Variants in PTPRT observed in about 807,000 individuals in gnomAD.
PTPRT encodes the protein receptor-type tyrosine-protein phosphatase T.
A neutral mutation model predicts 176.8 loss-of-function variants in PTPRT; 56 were observed. The ratio of observed to expected loss-of-function variants is 0.32; its 90% CI spans 0.26 to 0.40. The LOEUF is 0.40. PTPRT is among the 10% of genes least tolerant of loss of function. The probability of loss-of-function intolerance (pLI) is 1.00; values close to 1 mark genes in which losing one functional copy is unlikely to be tolerated. For missense variants in PTPRT, 1,540 were observed against 1,908.2 expected (o/e 0.81, Z 3.60); for synonymous variants, 783 against 739.0 (o/e 1.06, Z -0.96).
intron 9 of PTPRT, among the ~76,000 whole-genome samples, chr20:42,356,118 T>G (rs747098063): frequency 1.3e-5 from 2 of 152,032 alleles, no homozygotes; most frequent in Non-Finnish European, 2.9e-5. Flanking sequence ...GGGATCGGGC[T>G]GGGGAGGGAA....
chr20:42,769,145 C>T (rs1360285006), intron 5 of PTPRT, among the ~76,000 whole-genome samples: 2 of 152,172 alleles, frequency 1.3e-5, no homozygotes, highest in Non-Finnish European at 1.5e-5. Flanking sequence ...GGTCTGTAAG[C>T]AACCCTGGGA....
chr20:42,351,332 C>T (rs571982881), intron 10 of PTPRT, among the ~76,000 whole-genome samples: 5 of 152,174 alleles, frequency 3.3e-5, no homozygotes, highest in Admixed American at 6.5e-5. Context: ...TTTATTGAAG[C>T]GTTATTTTGT....
At chr20:42,369,692 G>A (rs943275801) in intron 9 of PTPRT, among the ~76,000 whole-genome samples, 2 of 152,164 alleles carry the variant, frequency 1.3e-5, no homozygotes, top group Non-Finnish European at 2.9e-5. Context: ...AGAAAAGCCA[G>A]CGTGCAGAAA....
chr20:43,113,224 A>T (rs550618658), intron 1 of PTPRT, among the ~76,000 whole-genome samples: 2 of 152,242 alleles, frequency 1.3e-5, no homozygotes, highest in Non-Finnish European at 2.9e-5. Context: ...CAACTCATCC[A>T]TGATGAACTT....
chr20:42,701,206 T>C (rs1185980754), intron 6 of PTPRT, among the ~76,000 whole-genome samples: 1 of 152,158 alleles, frequency 6.6e-6, no homozygotes, highest in Non-Finnish European at 1.5e-5. Flanking sequence ...GGGGATACAT[T>C]TCCACGGGAT....
At chr20:42,705,858 C>G (rs1391578427) in intron 6 of PTPRT, among the ~76,000 whole-genome samples, 1 of 152,108 alleles carries the variant, frequency 6.6e-6, no homozygotes, top group African/African-American at 2.4e-5. Flanking sequence ...TAATAATAAG[C>G]ATTTAGTACA....
Position 43,118,308 on chromosome 20 carries a change from A to G in PTPRT, c.88+71338T>C, listed in dbSNP as rs369428757. Among the ~76,000 whole-genome samples the G allele has an allele frequency of 3.8e-4, 58 of 152,308 alleles. 1 individual carries two copies. The highest frequency in any genetic ancestry group is 1.3e-3 in the African/African-American group (55 of 41,570). On this transcript the variant is annotated intron_variant, in intron 1 of 30. Coordinates refer to ENST00000373187, the MANE Select transcript of PTPRT (RefSeq NM_007050.6). The stretch of plus-strand genomic sequence containing the variant: ...CTAATGTTCTAGAACATTGGTCCAT[A>G]CCTCCAAGAAGCCCAAGAAAATGTA...
At chr20:43,139,514 G>A (rs554333547) in intron 1 of PTPRT, among the ~76,000 whole-genome samples, 42 of 152,256 alleles carry the variant, frequency 2.8e-4, no homozygotes, top group Middle Eastern at 3.4e-3. Context: ...CTTGCCACCC[G>A]CAGTGGCAGT....
intron 2 of PTPRT, among the ~76,000 whole-genome samples, chr20:42,828,515 C>T (rs1422242682): frequency 6.6e-6 from 1 of 152,142 alleles, no homozygotes. Flanking sequence ...GGGAAAATGT[C>T]TCCAGGGCAC....
rs575715872 is a variant in PTPRT, at chr20:42,767,261, T to A, written c.684+4174A>T. Among the ~76,000 whole-genome samples the A allele has an allele frequency of 1.1e-4, 17 of 152,292 alleles. No individual in the cohort carries two copies. The East Asian group carries it at 3.1e-3, about 28-fold the overall frequency. ...TGTCTGTGAGGGTGTCTGGATGAGA[T>A]GAGCATTTGAATCAGTGGACTCAGT... On this transcript the variant is annotated intron_variant, in intron 5 of 30. Coordinates refer to ENST00000373187, the MANE Select transcript of PTPRT (RefSeq NM_007050.6).
At chr20:43,128,403 C>T (rs1048798210) in intron 1 of PTPRT, among the ~76,000 whole-genome samples, 2 of 152,208 alleles carry the variant, frequency 1.3e-5, no homozygotes, top group African/African-American at 4.8e-5. Flanking sequence ...TTACAAAACG[C>T]AGAACTCTGA....
intron 17 of PTPRT, among the ~76,000 whole-genome samples, chr20:42,155,921 GCTT>G (rs1186417310): frequency 1.3e-5 from 2 of 152,132 alleles, no homozygotes; most frequent in African/African-American, 2.4e-5. Flanking sequence ...GGCTCCAGTG[GCTT>G]CTTGATTACA....
intron 25 of PTPRT, among the ~76,000 whole-genome samples, chr20:42,104,189 C>T (rs190201382): frequency 7.2e-5 from 11 of 152,230 alleles, no homozygotes; most frequent in Admixed American, 2.6e-4. Context: ...ACATGTAGGG[C>T]CAGGTGTGGT....
At position 42,480,664 on chromosome 20, in the gene PTPRT, C is replaced by T. The variant is rs62204934; in HGVS notation, c.1154-8102G>A. Among the ~76,000 whole-genome samples, 1,189 of 152,218 alleles carry T rather than the reference C, an allele frequency of 7.8e-3. 11 individuals carry two copies. Among genetic ancestry groups the T allele is most frequent in the Middle Eastern group, 0.014 (4 of 294 alleles). On this transcript the variant is annotated intron_variant, in intron 7 of 30. Transcript: ENST00000373187. ...TGATAAGTCTTTTGCAGGGGAAGTA[C>T]TGGGCTTCTGGACAATAGATACAGT...
chr20:42,680,223 G>A (rs780775107), intron 6 of PTPRT, among the ~76,000 whole-genome samples: 8 of 152,094 alleles, frequency 5.3e-5, no homozygotes, highest in Non-Finnish European at 1.0e-4. Flanking sequence ...AACAGGGGTG[G>A]ACAATATTTT....
At chr20:42,687,796 G>A (rs1433733766) in intron 6 of PTPRT, 1 of 152,158 alleles carries the variant, frequency 6.6e-6, no homozygotes, top group Admixed American at 6.5e-5. Context: ...GAGTTCCAGA[G>A]ACAACCACGT....
chr20:42,498,053 T>C (rs2071685771), intron 7 of PTPRT, among the ~76,000 whole-genome samples: 1 of 152,140 alleles, frequency 6.6e-6, no homozygotes, highest in Non-Finnish European at 1.5e-5. Flanking sequence ...TAGTGGTACT[T>C]TGTATGGGTA....
intron 1 of PTPRT, among the ~76,000 whole-genome samples, chr20:43,025,719 T>A (rs897693186): frequency 6.6e-6 from 1 of 152,198 alleles, no homozygotes; most frequent in African/African-American, 2.4e-5. Context: ...TCCTGGAATA[T>A]CTCTCAGGAA....
rs1431115197 is a variant in PTPRT at position 43,189,401 on chromosome 20, G to A, written c.88+245C>T. Among the ~76,000 whole-genome samples, 4 of 152,140 alleles carry A rather than the reference G, an allele frequency of 2.6e-5. No homozygotes were observed. Among genetic ancestry groups the A allele is most frequent in the Non-Finnish European group, 2.9e-5 (2 of 68,000 alleles). ...GTTACTCCAGCCCGGGGGGCCGGCAGGAAACTGAAGCGGGGAACTTCGCCA... is the reference window on the plus strand; with the variant it reads ...GTTACTCCAGCCCGGGGGGCCGGCAAGAAACTGAAGCGGGGAACTTCGCCA... On this transcript the variant is annotated intron_variant, in intron 1 of 30. Transcript: ENST00000373187. The surrounding 1 kb of genome is among the most constrained non-coding windows in gnomAD (Gnocchi z 5.0).
Sources: allele counts gnomAD v4.1 joint callset (sites outside exome capture counted in the v4.1 genomes callset), GRCh38; gene constraint gnomAD v4.1.1; non-coding constraint Gnocchi (gnomAD v3.1); transcripts MANE v1.5; gene names NCBI Gene and HGNC (gene_info 2026-07-23, HGNC 2026-07-21).